The following CDH1 variants were observed in gnomAD, a reference collection of about 807,000 sequenced individuals.
CDH1 encodes cadherin 1.
In CDH1, 35 loss-of-function variants were observed where a neutral mutation model predicts 84.5. The observed-to-expected ratio is 0.41, with a 90% CI of 0.32 to 0.55. CDH1 has a LOEUF of 0.55. Ranked by LOEUF, CDH1 falls within the 20% of genes least tolerant of loss-of-function variation. The probability of loss-of-function intolerance (pLI) is 0.19; values close to 1 mark genes in which losing one functional copy is unlikely to be tolerated. For synonymous variants in CDH1, 417 were observed against 439.0 expected (o/e 0.95, Z 0.63); for missense variants, 994 against 1,126.6 (o/e 0.88, Z 1.68).
intron 2 of CDH1, among the ~76,000 whole-genome samples, chr16:68,797,414 C>G (rs1960392148): frequency 6.6e-6 from 1 of 151,530 alleles, no homozygotes; most frequent in African/African-American, 2.4e-5. Flanking sequence ...TGGGCTCAGT[C>G]ATTCACTTCT....
At chr16:68,787,132 A>G (rs1960074396) in intron 2 of CDH1, among the ~76,000 whole-genome samples, 1 of 152,140 alleles carries the variant, frequency 6.6e-6, no homozygotes, top group Admixed American at 6.6e-5. Flanking sequence ...GCGTGTTTAT[A>G]TCTGGGTTGT....
At chr16:68,797,247 C>T (rs1183084882) in intron 2 of CDH1, among the ~76,000 whole-genome samples, 5 of 152,008 alleles carry the variant, frequency 3.3e-5, no homozygotes, top group South Asian at 2.1e-4. Context: ...AAATTTGCTG[C>T]GGTGGAGTAC....
In CDH1 at chr16:68,812,245, G is replaced by C. The variant is rs758258272; in HGVS notation, c.1119G>C (p.Pro373=). Residue 373 remains proline, a synonymous_variant, in exon 8 of 16, where the codon CCG becomes CCC. Coordinates refer to ENST00000261769, the MANE Select transcript of CDH1 (RefSeq NM_004360.5). ...TCACTGACACCAACGATAATCCTCCGATCTTCAATCCCACCACGGTAATTC... is the reference window on the plus strand; with the variant it reads ...TCACTGACACCAACGATAATCCTCCCATCTTCAATCCCACCACGGTAATTC... The part of the protein sequence containing the change: ...ITVTDTNDNP[P]IFNPTTYKGQ... The C allele has an allele frequency of 6.2e-7, 1 of 1,614,106 alleles. No homozygotes were observed. Among genetic ancestry groups the C allele is most frequent in the Non-Finnish European group, 8.5e-7 (1 of 1,179,982 alleles).
intron 9 of CDH1, chr16:68,814,539 C>G (rs1161247112): frequency 6.6e-6 from 1 of 151,862 alleles, no homozygotes; most frequent in African/African-American, 2.4e-5. Context: ...CAGAGTGAGA[C>G]TCTGTCTGAA....
intron 11 of CDH1, among the ~76,000 whole-genome samples, chr16:68,821,441 G>A (rs1567511758): frequency 6.8e-6 from 1 of 147,352 alleles, no homozygotes; most frequent in Admixed American, 6.8e-5. Context: ...CTGCATTCCC[G>A]CCTGGGTGAC....
At chr16:68,815,042 A>G (rs1474371849) in intron 9 of CDH1, among the ~76,000 whole-genome samples, 6 of 152,058 alleles carry the variant, frequency 3.9e-5, no homozygotes, top group Non-Finnish European at 5.9e-5. Flanking sequence ...CCTGGCCAAC[A>G]TGGTGAAACG....
At chr16:68,757,314 C>T (rs962492176) in intron 2 of CDH1, among the ~76,000 whole-genome samples, 24 of 152,168 alleles carry the variant, frequency 1.6e-4, no homozygotes, top group Non-Finnish European at 2.2e-4. Context: ...GTCCTGACCT[C>T]AAGTGATCCG....
At chr16:68,780,522 T>C (rs988121077) in intron 2 of CDH1, among the ~76,000 whole-genome samples, 2 of 152,168 alleles carry the variant, frequency 1.3e-5, no homozygotes, top group African/African-American at 4.8e-5. Context: ...CAGGCTGATT[T>C]CAAGTGATCT....
intron 2 of CDH1, among the ~76,000 whole-genome samples, chr16:68,797,866 G>A (rs932609337): frequency 2.0e-5 from 3 of 152,086 alleles, no homozygotes; most frequent in Non-Finnish European, 4.4e-5. Flanking sequence ...ATCACTTGAG[G>A]TCAGGAGTTC....
rs1961582469 is a variant in CDH1, at chr16:68,834,351, C to T, written c.*852C>T. 1 of 480,266 alleles carries T rather than the reference C, an allele frequency of 2.1e-6. No homozygotes were observed. The highest frequency in any genetic ancestry group is 2.4e-5 in the Admixed American group (1 of 40,924). The allele number at this position is 480,266 out of a possible 1,614,324, so 29.8% of individuals were successfully genotyped here. A position where few individuals can be genotyped will look rare whatever the true frequency, so the allele number is the denominator to read the frequency against. ...GATCATAGCTCACTGTAACCTCAAA[C>T]TCTGGGGCTCAAGCAGTTCTCCCAC... On this transcript the variant is annotated 3_prime_UTR_variant, in exon 16 of 16. Coordinates refer to ENST00000261769, the MANE Select transcript of CDH1 (RefSeq NM_004360.5).
chr16:68,769,788 G>A (rs973704393), intron 2 of CDH1, among the ~76,000 whole-genome samples: 2 of 151,878 alleles, frequency 1.3e-5, no homozygotes, highest in African/African-American at 4.8e-5. Flanking sequence ...ATTAGCTGGG[G>A]CCTGGCGCGG....
intron 2 of CDH1, among the ~76,000 whole-genome samples, chr16:68,759,980 C>A (rs1448828318): frequency 6.6e-6 from 1 of 152,014 alleles, no homozygotes; most frequent in Non-Finnish European, 1.5e-5. Context: ...TCCACCCATG[C>A]AGCCCCTAAA....
chr16:68,811,564 T>C, intron 6 of CDH1, 120 bp from the exon 7 acceptor site: 1 of 858,048 alleles, frequency 1.2e-6, no homozygotes, highest in Non-Finnish European at 1.9e-6. Context: ...TAGGGAACTC[T>C]GACACGGTAC....
Position 68,833,789 on chromosome 16 carries a change from T to C in CDH1, c.*290T>C, listed in dbSNP as rs1961561989. On this transcript the variant is annotated 3_prime_UTR_variant, in exon 16 of 16. Transcript: ENST00000261769. Reference sequence around the variant, plus strand: ...ATTTTAATATTCCAGAAGAACAACTTTAGCATCAGAAGGTTCACCCAGCAC... The same window carrying C: ...ATTTTAATATTCCAGAAGAACAACTCTAGCATCAGAAGGTTCACCCAGCAC... The C allele has an allele frequency of 2.2e-6, 1 of 462,660 alleles. No homozygotes were observed. The highest frequency in any genetic ancestry group is 4.0e-6 in the Non-Finnish European group (1 of 252,746). 28.7% of individuals were successfully genotyped at this position (462,660 alleles called of 1,614,324 possible).
chr16:68,743,355 C>CT (rs370518691), intron 2 of CDH1, among the ~76,000 whole-genome samples: 10,095 of 25,326 alleles, frequency 0.4, 779 homozygotes, highest in African/African-American at 0.46. Flanking sequence ...TTCTTTCTTT[C>CT]TTTCTTTCTT....
At chr16:68,809,053 A>G (rs1211563429) in intron 5 of CDH1, 2 of 598,876 alleles carry the variant, frequency 3.3e-6, no homozygotes, top group Non-Finnish European at 5.9e-6. Flanking sequence ...GGAAGAAAGG[A>G]AGGAGAATCC....
In CDH1 at chr16:68,808,587, GTT is replaced by G. The variant is rs1488972938; in HGVS notation, c.531+22_531+23del. ...GTTCAGGTAGAGAAAGAAGTTCTCT[GTT>G]TCTCTGGGAGGGATTTGGCAGAGAA... is the stretch of plus-strand genomic sequence containing the variant. On this transcript the variant is annotated intron_variant, in intron 4 of 15. Transcript: ENST00000261769. The G allele has an allele frequency of 1.9e-6, 3 of 1,613,916 alleles. No individual in the cohort carries two copies. The African/African-American group carries it at 4.0e-5, about 22-fold the overall frequency.
chr16:68,835,421 G>C lies in CDH1; in HGVS notation c.*1922G>C, dbSNP rs1436982538. ...TCACTGTAGTTTTGAGTGTATACAT[G>C]TGTGGGTGCTGATAATTGTGTATTT... is the stretch of plus-strand genomic sequence containing the variant. On this transcript the variant is annotated 3_prime_UTR_variant, in exon 16 of 16. Coordinates refer to ENST00000261769, the MANE Select transcript of CDH1 (RefSeq NM_004360.5). 1 of 218,742 alleles carries C rather than the reference G, an allele frequency of 4.6e-6. No homozygotes were observed. Among genetic ancestry groups the C allele is most frequent in the Admixed American group, 5.8e-5 (1 of 17,216 alleles). 13.6% of individuals were successfully genotyped at this position (218,742 alleles called of 1,614,324 possible). A position where few individuals can be genotyped will look rare whatever the true frequency, so the allele number is the denominator to read the frequency against.
intron 2 of CDH1, among the ~76,000 whole-genome samples, chr16:68,772,483 C>T (rs1016690401): frequency 2.6e-5 from 4 of 152,162 alleles, no homozygotes; most frequent in East Asian, 1.9e-4. Context: ...ACATTCAGAG[C>T]GAGAGAACAG....
Sources: allele counts gnomAD v4.1 joint callset (sites outside exome capture counted in the v4.1 genomes callset), GRCh38; gene constraint gnomAD v4.1.1; transcripts MANE v1.5; gene names NCBI Gene and HGNC (gene_info 2026-07-23, HGNC 2026-07-21).